The following NIBAN3 variants were observed in gnomAD, a reference collection of about 807,000 sequenced individuals.
NIBAN3 encodes the protein protein Niban 3.
In NIBAN3, 66 loss-of-function variants were observed where a neutral mutation model predicts 76.4. The observed-to-expected ratio is 0.86, with a 90% CI of 0.71 to 1.06. The LOEUF (loss-of-function observed/expected upper bound fraction) is 1.06. NIBAN3 is among the 50% of genes least tolerant of loss of function. The pLI is 0.00. For missense variants in NIBAN3, 808 were observed against 810.7 expected (o/e 1.00, Z 0.04); for synonymous variants, 360 against 355.2 (o/e 1.01, Z -0.15).
chr19:17,549,901 C>A, intron 14 of NIBAN3: 1 of 410,844 alleles, frequency 2.4e-6, no homozygotes, highest in Non-Finnish European at 4.3e-6. Context: ...ACTGCAACCT[C>A]CTCCTCCCAG....
At chr19:17,554,797 A>ATAAT (rs112224171), downstream of NIBAN3, among the ~76,000 whole-genome samples, 1 of 138,136 alleles carries the variant, frequency 7.2e-6, no homozygotes, top group Non-Finnish European at 1.5e-5. Context: ...AAAAAAAAGA[A>ATAAT]AATAATAATA....
rs557951637 is a variant in NIBAN3, at chr19:17,543,550, G to A, written c.1473G>A (p.Ala491=). 30 of 1,614,068 alleles carry A rather than the reference G, an allele frequency of 1.9e-5. No individual in the cohort carries two copies. Among genetic ancestry groups the A allele is most frequent in the Admixed American group, 1.2e-4 (7 of 59,976 alleles). ...AATTCAAATCGGACAGCGGGTTGGC[G>A]CAGAGGAGGTTCATCCGAGGCTGGG... ...LKKFKSDSGL[A]QRRFIRGWGL... The change falls in exon 12 of 15, where the codon GCG becomes GCA. Residue 491 remains alanine (A), a synonymous_variant. Coordinates refer to ENST00000599164, the MANE Select transcript of NIBAN3 (RefSeq NM_001321827.2).
At chr19:17,550,579 T>A (rs7256779) in intron 14 of NIBAN3, among the ~76,000 whole-genome samples, 133,428 of 152,164 alleles carry the variant, frequency 0.88, 58,892 homozygotes, top group Middle Eastern at 0.97. Flanking sequence ...AGGTGGGAGG[T>A]TTACTTGAGC....
intron 3 of NIBAN3, among the ~76,000 whole-genome samples, chr19:17,533,120 A>G (rs2075760431): frequency 2.0e-5 from 3 of 152,136 alleles, no homozygotes; most frequent in Admixed American, 2.0e-4. Flanking sequence ...TAAAAATACA[A>G]AACCTAGGGC....
chr19:17,533,708 G>A lies in NIBAN3; in HGVS notation c.427+7G>A, dbSNP rs1236033126. 7 of 1,605,530 alleles carry A rather than the reference G, an allele frequency of 4.4e-6. No homozygotes were observed. In the South Asian group the frequency reaches 7.7e-5, roughly 18 times the overall value. ...CTCTGCCCTGAATCCTTGGGTAAGG[G>A]TCCCGGGGTTCCCAGGAACAGGTTT... is the stretch of plus-strand genomic sequence containing the variant. On this transcript the variant is annotated splice_region_variant and intron_variant, in intron 4 of 14. Transcript: ENST00000599164.
rs767660387 is a variant in NIBAN3, at chr19:17,539,180, G to C, written c.626G>C (p.Arg209Pro). 1.2e-6 allele frequency: 2 copies of C among 1,602,514 alleles called. No homozygotes were observed. Among genetic ancestry groups the C allele is most frequent in the South Asian group, 1.1e-5 (1 of 89,334 alleles). ...VLQRSQAPAA[R>P]AFLDAVRLYR... is the part of the protein sequence containing the mutation. ...CAGCGAAGCCAGGCCCCTGCTGCCC[G>C]GGCCTTCCTGGACGCCGTCCGACTC... Residue 209 changes from arginine to proline, a missense_variant, in exon 6 of 15, where the codon CGG becomes CCG. Coordinates refer to ENST00000599164, the MANE Select transcript of NIBAN3 (RefSeq NM_001321827.2).
At chr19:17,535,138 C>A (rs955844643) in intron 4 of NIBAN3, among the ~76,000 whole-genome samples, 1 of 152,154 alleles carries the variant, frequency 6.6e-6, no homozygotes, top group African/African-American at 2.4e-5. Flanking sequence ...TATGGCCTGG[C>A]CCTTGGTAAT....
rs1464461919 is a variant in NIBAN3, at chr19:17,533,661, A to G, written c.387A>G (p.Glu129=). ...ACACGCTCCTGACTTCCCAGCGAGA[A>G]TATCTCCGCCTTTTGGATGCTCTCT... ...TGYTLLTSQR[E]YLRLLDALCP... The change falls in exon 4 of 15, where the codon GAA becomes GAG. Residue 129 remains glutamate (E), a synonymous_variant. Coordinates refer to ENST00000599164, the MANE Select transcript of NIBAN3 (RefSeq NM_001321827.2). 6.2e-7 allele frequency: 1 copy of G among 1,614,106 alleles called. No homozygotes were observed. The highest frequency in any genetic ancestry group is 8.5e-7 in the Non-Finnish European group (1 of 1,180,028).
chr19:17,539,209 C>T lies in NIBAN3; in HGVS notation c.655C>T (p.Arg219Trp), dbSNP rs751407283. ...CTTCCTGGACGCCGTCCGACTCTAC[C>T]GGCAGCACCAAGGCCACTTTGGCGA... is the stretch of plus-strand genomic sequence containing the variant. ...RAFLDAVRLY[R>W]QHQGHFGDDD... The change falls in exon 6 of 15, where the codon CGG becomes TGG. Residue 219 changes from arginine (R) to tryptophan (W), a missense_variant. Coordinates refer to ENST00000599164, the MANE Select transcript of NIBAN3 (RefSeq NM_001321827.2). The T allele has an allele frequency of 1.9e-6, 3 of 1,608,786 alleles. No individual in the cohort carries two copies. The highest frequency in any genetic ancestry group is 4.5e-5 in the East Asian group (2 of 44,650).
At chr19:17,525,333 C>CCCTT (rs1000909728), upstream of NIBAN3, among the ~76,000 whole-genome samples, 1 of 135,634 alleles carries the variant, frequency 7.4e-6, no homozygotes, top group Non-Finnish European at 1.6e-5. Context: ...CTCCGTCCCT[C>CCCTT]CCTTCATTCA....
rs188337638 is a variant in NIBAN3 at position 17,537,857 on chromosome 19, A to G, written c.595+314A>G. ...GCCACTCGGGAGGCTGAGGCAGGAGAATCACTTGAACCCGGGAGGTGGAGG... is the reference window on the plus strand; with the variant it reads ...GCCACTCGGGAGGCTGAGGCAGGAGGATCACTTGAACCCGGGAGGTGGAGG... On this transcript the variant is annotated intron_variant, in intron 5 of 14. Transcript: ENST00000599164. Among the ~76,000 whole-genome samples the G allele has an allele frequency of 8.1e-3, 1,220 of 150,498 alleles. 12 individuals are homozygous for G. The highest frequency in any genetic ancestry group is 0.029 in the African/African-American group (1,185 of 40,938).
intron 5 of NIBAN3, 115 bp from the exon 6 acceptor site, chr19:17,539,035 G>C (rs981780734): frequency 3.7e-5 from 31 of 827,692 alleles, no homozygotes; most frequent in Admixed American, 3.0e-4. Flanking sequence ...CAAAGTTCCA[G>C]AGATGGGTGA....
intron 14 of NIBAN3, chr19:17,549,804 C>T: frequency 2.0e-6 from 1 of 501,610 alleles, no homozygotes; most frequent in Non-Finnish European, 3.4e-6. Flanking sequence ...AATTTGTGTC[C>T]CATCTCTCTC....
At chr19:17,555,160 C>G (rs2076201909), downstream of NIBAN3, among the ~76,000 whole-genome samples, 1 of 152,154 alleles carries the variant, frequency 6.6e-6, no homozygotes, top group Non-Finnish European at 1.5e-5. Context: ...TCACATATAG[C>G]AAGCCCAAGG....
Position 17,540,575 on chromosome 19 carries a change from G to A in NIBAN3, c.1163G>A (p.Arg388His), listed in dbSNP as rs764169202. 2.0e-6 allele frequency: 3 copies of A among 1,508,686 alleles called. No individual in the cohort carries two copies. Among genetic ancestry groups the A allele is most frequent in the Non-Finnish European group, 2.7e-6 (3 of 1,125,502 alleles). The allele number at this position is 1,508,686 out of a possible 1,614,324, so 93.5% of individuals were successfully genotyped here. A position where few individuals can be genotyped will look rare whatever the true frequency, so the allele number is the denominator to read the frequency against. Residue 388 changes from arginine (R) to histidine (H), a missense_variant, in exon 9 of 15, where the codon CGC becomes CAC. Transcript: ENST00000599164. Reference protein sequence around the residue: ...LRQSPSGTRLRREVYSFGEMP... With the variant: ...LRQSPSGTRLHREVYSFGEMP... Reference sequence around the variant, plus strand: ...CAGAGCCCCTCAGGCACGCGGCTGCGCAGGGAGGTGAGCTCCCGTGGGTAG... The same window carrying A: ...CAGAGCCCCTCAGGCACGCGGCTGCACAGGGAGGTGAGCTCCCGTGGGTAG...
chr19:17,536,546 A>G (rs867203364), intron 4 of NIBAN3, among the ~76,000 whole-genome samples: 12 of 152,034 alleles, frequency 7.9e-5, no homozygotes, highest in African/African-American at 2.7e-4. Context: ...GGAACAAAAC[A>G]CTGGAGACAG....
At chr19:17,538,433 A>AC (rs2075865300) in intron 5 of NIBAN3, among the ~76,000 whole-genome samples, 2 of 150,310 alleles carry the variant, frequency 1.3e-5, no homozygotes, top group Non-Finnish European at 3.0e-5. Context: ...AAAAAAAAAA[A>AC]AGATGAGGGG....
intron 12 of NIBAN3, chr19:17,545,887 G>T: frequency 2.5e-6 from 1 of 400,248 alleles, no homozygotes; most frequent in Non-Finnish European, 5.1e-6. Context: ...ACAAGAGGTG[G>T]AGGAGCAGAG....
Position 17,553,583 on chromosome 19 carries a change from C to T in NIBAN3, c.*1685C>T. 1 of 1,601,976 alleles carries T rather than the reference C, an allele frequency of 6.2e-7. No individual in the cohort carries two copies. Among genetic ancestry groups the T allele is most frequent in the South Asian group, 1.1e-5 (1 of 90,850 alleles). On this transcript the variant is annotated 3_prime_UTR_variant, in exon 15 of 15. Transcript: ENST00000599164. ...CAATGAGATATTCCTGACCTTTCCACCTATTTCCCTCCAACCCCACCTTCC... is the reference window on the plus strand; with the variant it reads ...CAATGAGATATTCCTGACCTTTCCATCTATTTCCCTCCAACCCCACCTTCC...
Sources: gnomAD v4.1 joint callset for allele counts (sites outside exome capture counted in the v4.1 genomes callset) on GRCh38, gnomAD v4.1.1 for gene constraint, MANE v1.5 for transcripts, NCBI Gene and HGNC (gene_info 2026-07-23, HGNC 2026-07-21) for gene names.